AFG2A: variants seen among roughly 807,000 people sequenced by gnomAD.
AFG2A encodes the protein AAA ATPase AFG2A, also known as ATPase family gene 2 protein homolog A.
the AFG2A span, among the ~76,000 whole-genome samples, chr4:123,237,110 T>C: frequency 6.6e-6 from 1 of 152,196 alleles, no homozygotes. Context: ...ATGGTAAATA[T>C]TTTAGACTTT....
the AFG2A span, among the ~76,000 whole-genome samples, chr4:123,040,664 A>G: frequency 6.6e-6 from 1 of 152,072 alleles, no homozygotes; most frequent in African/African-American, 2.4e-5. Flanking sequence ...TTGATTTGGT[A>G]TTGTTTCTTT....
At chr4:123,146,957 A>G in the AFG2A span, among the ~76,000 whole-genome samples, 1 of 152,148 alleles carries the variant, frequency 6.6e-6, no homozygotes, top group Non-Finnish European at 1.5e-5. Context: ...CAAATGCCCC[A>G]TACTCCTTTC....
chr4:123,157,805 C>T, the AFG2A span, among the ~76,000 whole-genome samples: 7 of 152,112 alleles, frequency 4.6e-5, no homozygotes, highest in African/African-American at 9.7e-5. Flanking sequence ...AATACCTCCC[C>T]CCTCTATAAA....
chr4:123,174,830 T>A, the AFG2A span, among the ~76,000 whole-genome samples: 3,191 of 151,100 alleles, frequency 0.021, 56 homozygotes, highest in Non-Finnish European at 0.034. Flanking sequence ...AAAAAAAATA[T>A]ATATATATAT....
chr4:122,953,226 C>G, the AFG2A span, among the ~76,000 whole-genome samples: 1 of 152,180 alleles, frequency 6.6e-6, no homozygotes, highest in Non-Finnish European at 1.5e-5. Flanking sequence ...TTTGGAGGGT[C>G]AAGCCTGATA....
the AFG2A span, among the ~76,000 whole-genome samples, chr4:122,948,791 CCTTT>C: frequency 2.0e-5 from 3 of 152,148 alleles, no homozygotes; most frequent in Non-Finnish European, 2.9e-5. Context: ...ATGGCAACCT[CCTTT>C]CTTAAGTTAT....
chr4:123,017,214 AGG>A, the AFG2A span, among the ~76,000 whole-genome samples: 6 of 93,966 alleles, frequency 6.4e-5, no homozygotes, highest in Non-Finnish European at 1.3e-4. Flanking sequence ...GGAGAGAGAG[AGG>A]GAGAGGGGGG....
At chr4:123,244,718 G>A in the AFG2A span, among the ~76,000 whole-genome samples, 1 of 152,294 alleles carries the variant, frequency 6.6e-6, no homozygotes, top group East Asian at 1.9e-4. Flanking sequence ...TCGTTTATAT[G>A]TAATGAGTTA....
At chr4:122,951,810 C>G in the AFG2A span, among the ~76,000 whole-genome samples, 1 of 152,128 alleles carries the variant, frequency 6.6e-6, no homozygotes, top group Non-Finnish European at 1.5e-5. Context: ...TGTACCAGGC[C>G]TGGTCAGTCA....
At chr4:123,063,707 C>T in the AFG2A span, among the ~76,000 whole-genome samples, 861 of 151,760 alleles carry the variant, frequency 5.7e-3, 8 homozygotes, top group African/African-American at 0.019. Flanking sequence ...GATCGCGCCA[C>T]TGCACTCCAG....
At chr4:123,256,090 A>G in the AFG2A span, 3 of 1,613,986 alleles carry the variant, frequency 1.9e-6, no homozygotes, top group Non-Finnish European at 2.5e-6. Flanking sequence ...GAAGGGAAAT[A>G]TTTAAGCTGC....
the AFG2A span, among the ~76,000 whole-genome samples, chr4:123,037,348 T>A: frequency 6.6e-6 from 1 of 152,150 alleles, no homozygotes. Flanking sequence ...ATATTTTTGT[T>A]ATTTTGTAAA....
the AFG2A span, among the ~76,000 whole-genome samples, chr4:123,282,462 C>T: frequency 1.3e-5 from 2 of 152,110 alleles, no homozygotes; most frequent in East Asian, 1.9e-4. Context: ...GCTGTATGAT[C>T]CAAATAATAT....
the AFG2A span, among the ~76,000 whole-genome samples, chr4:123,079,745 C>CTTTTTTTTTTTTTTTTTT: frequency 1.4e-5 from 1 of 72,660 alleles, no homozygotes; most frequent in Non-Finnish European, 2.4e-5. Flanking sequence ...TCTTTTCCTT[C>CTTTTTTTTTTTTTTTTTT]TTTTTTTTTT....
At chr4:123,003,642 T>G in the AFG2A span, among the ~76,000 whole-genome samples, 1 of 152,140 alleles carries the variant, frequency 6.6e-6, no homozygotes. Flanking sequence ...CTGCAAATGC[T>G]GCTGTCTGAT....
the AFG2A span, among the ~76,000 whole-genome samples, chr4:123,041,294 TGTA>T: frequency 3.3e-4 from 48 of 143,638 alleles, no homozygotes; most frequent in Middle Eastern, 3.6e-3. Flanking sequence ...TTTTTTTTTT[TGTA>T]TTTTTAGTAG....
chr4:122,926,786 TTAC>T, the AFG2A span, among the ~76,000 whole-genome samples: 4 of 152,238 alleles, frequency 2.6e-5, no homozygotes, highest in South Asian at 8.3e-4. Flanking sequence ...GTATACTTAT[TTAC>T]TACATTTATT....
the AFG2A span, among the ~76,000 whole-genome samples, chr4:123,280,988 A>G: frequency 6.6e-6 from 1 of 152,028 alleles, no homozygotes; most frequent in Non-Finnish European, 1.5e-5. Context: ...TTCAGATATT[A>G]CCATTTTTTT....
At chr4:123,006,445 G>GA in the AFG2A span, among the ~76,000 whole-genome samples, 5 of 149,608 alleles carry the variant, frequency 3.3e-5, no homozygotes, top group Admixed American at 2.0e-4. Context: ...AGTCAAATTT[G>GA]AAAAAAAAAA....
Sources: allele counts gnomAD v4.1 joint callset (sites outside exome capture counted in the v4.1 genomes callset), GRCh38; gene constraint gnomAD v4.1.1; transcripts MANE v1.5; gene names NCBI Gene and HGNC (gene_info 2026-07-23, HGNC 2026-07-21).